The following GLCE variants were observed in gnomAD, a reference collection of about 807,000 sequenced individuals.
The protein encoded by GLCE is glucuronic acid epimerase.
Under a neutral mutation model 47.9 loss-of-function variants are expected in GLCE, and 19 were observed. The ratio of observed to expected loss-of-function variants is 0.40; its 90% CI spans 0.28 to 0.58. The LOEUF is 0.58. Ranked by LOEUF, GLCE falls within the 20% of genes least tolerant of loss-of-function variation. GLCE has a pLI of 0.48. For synonymous variants in GLCE, 245 were observed against 263.4 expected (o/e 0.93, Z 0.68); for missense variants, 556 against 743.3 (o/e 0.75, Z 2.93).
chr15:69,255,751 G>A (rs1429765685), intron 2 of GLCE, 43 bp from the exon 3 acceptor site: 3 of 1,106,088 alleles, frequency 2.7e-6, no homozygotes, highest in East Asian at 2.4e-5. Context: ...TGAAATGCCG[G>A]TAGTACATCT....
intron 3 of GLCE, among the ~76,000 whole-genome samples, chr15:69,259,276 T>C (rs192681966): frequency 5.9e-5 from 9 of 152,336 alleles, no homozygotes; most frequent in Admixed American, 1.3e-4. Flanking sequence ...TCATATTTGT[T>C]AGAGATGTTT....
At chr15:69,232,526 G>A (rs1166577551) in intron 2 of GLCE, among the ~76,000 whole-genome samples, 2 of 152,082 alleles carry the variant, frequency 1.3e-5, no homozygotes, top group Non-Finnish European at 2.9e-5. Context: ...CATGAAAATA[G>A]AAATGATTGA....
intron 1 of GLCE, among the ~76,000 whole-genome samples, chr15:69,204,850 C>T (rs191437516): frequency 1.3e-5 from 2 of 152,182 alleles, no homozygotes; most frequent in Admixed American, 1.3e-4. Flanking sequence ...ATTGATCCCT[C>T]TAGTGATTTT....
intron 2 of GLCE, among the ~76,000 whole-genome samples, chr15:69,235,850 T>G (rs1039770006): frequency 1.3e-5 from 2 of 152,186 alleles, no homozygotes; most frequent in Non-Finnish European, 2.9e-5. Flanking sequence ...TTGGATGAGT[T>G]TTGTCGGATG....
At chr15:69,210,727 AT>A (rs1389760667) in intron 2 of GLCE, among the ~76,000 whole-genome samples, 1 of 152,124 alleles carries the variant, frequency 6.6e-6, no homozygotes, top group Non-Finnish European at 1.5e-5. Flanking sequence ...CTGATATCAA[AT>A]CTGTTTGCCT....
At chr15:69,253,451 A>G (rs113927807) in intron 2 of GLCE, among the ~76,000 whole-genome samples, 1 of 152,236 alleles carries the variant, frequency 6.6e-6, no homozygotes, top group African/African-American at 2.4e-5. Context: ...CAGGAAATCT[A>G]TGTTGGCTAA....
In GLCE at chr15:69,181,825, G is replaced by T. The variant is rs144631620; in HGVS notation, c.-105+21068G>T. 2.4e-3 allele frequency among the ~76,000 whole-genome samples: 362 copies of T among 151,834 alleles called. 3 individuals carry two copies. Among genetic ancestry groups the T allele is most frequent in the African/African-American group, 8.4e-3 (349 of 41,404 alleles). The stretch of plus-strand genomic sequence containing the variant: ...TTTTGTTTTTTGTTTTTGTTTTGAC[G>T]TGTTTGTAGGAGGCTGAGAAAAAAA... On this transcript the variant is annotated intron_variant, in intron 1 of 4. Transcript: ENST00000261858.
intron 1 of GLCE, among the ~76,000 whole-genome samples, chr15:69,165,966 C>T (rs2051495633): frequency 6.6e-6 from 1 of 152,158 alleles, no homozygotes; most frequent in Admixed American, 6.5e-5. Context: ...AGACTTCTCG[C>T]ACTTTAAGAG....
chr15:69,264,138 A>G (rs2053052287), intron 4 of GLCE, among the ~76,000 whole-genome samples: 1 of 152,038 alleles, frequency 6.6e-6, no homozygotes, highest in Non-Finnish European at 1.5e-5. Flanking sequence ...TGAAGTTTGT[A>G]CCCTTTGATC....
Position 69,269,448 on chromosome 15 carries a change from A to G in GLCE, c.*204A>G, listed in dbSNP as rs748151663. The G allele has an allele frequency of 3.6e-5, 21 of 578,448 alleles. No homozygotes were observed. The highest frequency in any genetic ancestry group is 6.1e-5 in the Non-Finnish European group (20 of 326,460). 35.8% of individuals were successfully genotyped at this position (578,448 alleles called of 1,614,324 possible). On this transcript the variant is annotated 3_prime_UTR_variant, in exon 5 of 5. Coordinates refer to ENST00000261858, the MANE Select transcript of GLCE (RefSeq NM_015554.3). The stretch of plus-strand genomic sequence containing the variant: ...TTTAGAAATGTAGGTGGCATTTAGA[A>G]CACAATGTTTAATCAATGGGCTGAA...
intron 2 of GLCE, among the ~76,000 whole-genome samples, chr15:69,238,604 T>C (rs1368242211): frequency 6.6e-6 from 1 of 152,216 alleles, no homozygotes; most frequent in Admixed American, 6.5e-5. Context: ...AAATATGTTT[T>C]ATTAAGGTTT....
intron 3 of GLCE, among the ~76,000 whole-genome samples, chr15:69,259,151 C>A (rs1450631597): frequency 6.6e-6 from 1 of 152,138 alleles, no homozygotes; most frequent in Non-Finnish European, 1.5e-5. Context: ...GGTCAGATAT[C>A]TTTTTCTTAT....
intron 2 of GLCE, among the ~76,000 whole-genome samples, chr15:69,224,015 G>A (rs1189903946): frequency 6.6e-6 from 1 of 152,138 alleles, no homozygotes; most frequent in Non-Finnish European, 1.5e-5. Context: ...CTTTAAGACA[G>A]CATTTAAAGA....
chr15:69,242,243 A>G (rs897230374), intron 2 of GLCE, among the ~76,000 whole-genome samples: 1 of 152,076 alleles, frequency 6.6e-6, no homozygotes, highest in Non-Finnish European at 1.5e-5. Flanking sequence ...ACCTCTTTCT[A>G]GTATCTTTCC....
intron 4 of GLCE, among the ~76,000 whole-genome samples, chr15:69,265,130 TA>T (rs144240205): frequency 0.011 from 1,734 of 152,232 alleles, 27 homozygotes; most frequent in African/African-American, 0.037. Context: ...AAAGTATTCT[TA>T]AATGTTGATC....
At chr15:69,177,326 G>A (rs1472278126) in intron 1 of GLCE, among the ~76,000 whole-genome samples, 1 of 152,162 alleles carries the variant, frequency 6.6e-6, no homozygotes, top group African/African-American at 2.4e-5. Flanking sequence ...GTCTCCCAAA[G>A]TGCTGAGATT....
Position 69,255,917 on chromosome 15 carries a change from C to G in GLCE, c.111C>G (p.Ile37Met), listed in dbSNP as rs1342815129. Residue 37 changes from isoleucine to methionine, a missense_variant, in exon 3 of 5, where the codon ATC (isoleucine) becomes ATG (methionine). Coordinates refer to ENST00000261858, the MANE Select transcript of GLCE (RefSeq NM_015554.3). ...LWNKCSSDKA[I>M]QFPRRSSSGF... ...ATAAGTGTTCCAGTGACAAAGCAAT[C>G]CAGTTTCCACGGCGTTCGAGTAGTG... 6.2e-7 allele frequency: 1 copy of G among 1,614,004 alleles called. No homozygotes were observed. The highest frequency in any genetic ancestry group is 1.1e-5 in the South Asian group (1 of 91,072).
At chr15:69,247,806 G>A (rs983979861) in intron 2 of GLCE, among the ~76,000 whole-genome samples, 9 of 152,210 alleles carry the variant, frequency 5.9e-5, no homozygotes, top group African/African-American at 2.2e-4. Context: ...GGGAACAGCT[G>A]GTCATTGGAG....
At chr15:69,264,529 A>G (rs1433265274) in intron 4 of GLCE, among the ~76,000 whole-genome samples, 1 of 152,066 alleles carries the variant, frequency 6.6e-6, no homozygotes, top group African/African-American at 2.4e-5. Context: ...GAGGTTATTG[A>G]TTTCATTTCC....
Sources: allele counts gnomAD v4.1 joint callset (sites outside exome capture counted in the v4.1 genomes callset), GRCh38; gene constraint gnomAD v4.1.1; transcripts MANE v1.5; gene names NCBI Gene and HGNC (gene_info 2026-07-23, HGNC 2026-07-21).